Variants in JAM3 observed in about 807,000 individuals in gnomAD.
JAM3 encodes the protein junctional adhesion molecule C.
JAM3 carries 31 observed loss-of-function variants against 39.4 expected under a neutral mutation model. That is an observed-to-expected ratio of 0.79 (90% confidence interval 0.59 to 1.06). The LOEUF (loss-of-function observed/expected upper bound fraction) is 1.06, where lower values mean the gene tolerates loss of function less well. Ranked by LOEUF, JAM3 falls within the 50% of genes least tolerant of loss-of-function variation. JAM3 has a pLI of 0.00. For missense variants in JAM3, 455 were observed against 391.4 expected (o/e 1.16, Z -1.37); for synonymous variants, 182 against 148.7 (o/e 1.22, Z -1.63).
intron 1 of JAM3, among the ~76,000 whole-genome samples, chr11:134,093,681 A>T (rs368182355): frequency 1.6e-5 from 2 of 123,910 alleles, no homozygotes. Flanking sequence ...AGCCCTCCTT[A>T]TTCATCATGT....
chr11:134,101,408 G>A (rs1468727015), intron 1 of JAM3, among the ~76,000 whole-genome samples: 1 of 152,154 alleles, frequency 6.6e-6, no homozygotes, highest in Non-Finnish European at 1.5e-5. Context: ...TTCAAAGAGT[G>A]GTAGCAAAGA....
At chr11:134,137,962 G>T (rs111772963) in intron 1 of JAM3, among the ~76,000 whole-genome samples, 15 of 81,994 alleles carry the variant, frequency 1.8e-4, no homozygotes, top group African/African-American at 3.2e-4. Flanking sequence ...GCGTCTCGTC[G>T]AAGTCGTGGT....
At chr11:134,136,941 A>G (rs989636233) in intron 1 of JAM3, among the ~76,000 whole-genome samples, 10 of 151,996 alleles carry the variant, frequency 6.6e-5, no homozygotes, top group Admixed American at 1.3e-4. Flanking sequence ...GTGAAACCCC[A>G]TCTCTACTAA....
At chr11:134,094,794 G>A (rs1941946407) in intron 1 of JAM3, among the ~76,000 whole-genome samples, 1 of 152,186 alleles carries the variant, frequency 6.6e-6, no homozygotes, top group South Asian at 2.1e-4. Context: ...GTTTGTGTGT[G>A]TTGTTTATTT....
At chr11:134,126,118 C>T (rs1565498128) in intron 1 of JAM3, among the ~76,000 whole-genome samples, 1 of 152,134 alleles carries the variant, frequency 6.6e-6, no homozygotes, top group Non-Finnish European at 1.5e-5. Flanking sequence ...CCTGTCCCAC[C>T]CTTGTCTTCC....
chr11:134,083,123 C>G (rs572365734), intron 1 of JAM3, among the ~76,000 whole-genome samples: 1 of 152,230 alleles, frequency 6.6e-6, no homozygotes, highest in African/African-American at 2.4e-5. Flanking sequence ...ACAGATTATG[C>G]ATGTAATTTT....
chr11:134,110,281 T>C (rs1239401586), intron 1 of JAM3, among the ~76,000 whole-genome samples: 1 of 152,230 alleles, frequency 6.6e-6, no homozygotes. Flanking sequence ...AGACCTATTA[T>C]TTGATTCAGT....
chr11:134,134,290 G>A (rs1323886097), intron 1 of JAM3, among the ~76,000 whole-genome samples: 1 of 146,612 alleles, frequency 6.8e-6, no homozygotes, highest in Non-Finnish European at 1.5e-5. Context: ...AACAGAAGAT[G>A]AGAACAAAAA....
intron 1 of JAM3, among the ~76,000 whole-genome samples, chr11:134,137,516 C>T (rs1942888875): frequency 6.6e-6 from 1 of 152,260 alleles, no homozygotes; most frequent in African/African-American, 2.4e-5. Flanking sequence ...TCTCATGACT[C>T]ACCTCTCAGG....
intron 1 of JAM3, among the ~76,000 whole-genome samples, chr11:134,100,211 G>C (rs1030369113): frequency 6.6e-6 from 1 of 152,036 alleles, no homozygotes; most frequent in African/African-American, 2.4e-5. Context: ...GGTCTTCAGT[G>C]AAATGATCCC....
chr11:134,144,536 C>A, intron 4 of JAM3, 143 bp downstream of exon 4: 1 of 1,051,990 alleles, frequency 9.5e-7, no homozygotes. Context: ...GCTGAGACTG[C>A]CTGAGTTGGG....
At chr11:134,118,618 C>T (rs1230542897) in intron 1 of JAM3, among the ~76,000 whole-genome samples, 1 of 152,188 alleles carries the variant, frequency 6.6e-6, no homozygotes, top group Non-Finnish European at 1.5e-5. Flanking sequence ...GCTGCCTTCA[C>T]CCTGCCTTTA....
chr11:134,092,087 T>A (rs1941870390), intron 1 of JAM3, among the ~76,000 whole-genome samples: 1 of 152,216 alleles, frequency 6.6e-6, no homozygotes, highest in Admixed American at 6.5e-5. Context: ...TTTCTGTTGC[T>A]CTTGGTGCAA....
intron 6 of JAM3, 165 bp from the exon 7 acceptor site, chr11:134,148,382 C>G: frequency 1.3e-6 from 1 of 760,796 alleles, no homozygotes; most frequent in South Asian, 1.6e-5. Context: ...CCTATATGTT[C>G]TAGGCTAGAA....
chr11:134,139,315 T>A (rs1942930051), intron 1 of JAM3, among the ~76,000 whole-genome samples: 1 of 152,186 alleles, frequency 6.6e-6, no homozygotes, highest in Non-Finnish European at 1.5e-5. Flanking sequence ...GGTGAAAACT[T>A]CTTCGTGGAC....
At chr11:134,103,999 C>T (rs1942130654) in intron 1 of JAM3, among the ~76,000 whole-genome samples, 1 of 152,188 alleles carries the variant, frequency 6.6e-6, no homozygotes, top group African/African-American at 2.4e-5. Context: ...AGCTCTGCAC[C>T]AAGCGGACAT....
intron 1 of JAM3, among the ~76,000 whole-genome samples, chr11:134,107,726 G>A (rs529695662): frequency 5.1e-4 from 78 of 152,174 alleles, no homozygotes; most frequent in African/African-American, 1.8e-3. Flanking sequence ...AGCCAGGCAT[G>A]GTGGTAGATG....
chr11:134,145,169 A>G, intron 5 of JAM3, 175 bp downstream of exon 5: 1 of 661,920 alleles, frequency 1.5e-6, no homozygotes, highest in Admixed American at 2.4e-5. Context: ...ATAAACAAGT[A>G]CATTCTTAGG....
chr11:134,073,876 G>A (rs1477822191), intron 1 of JAM3, among the ~76,000 whole-genome samples: 2 of 152,046 alleles, frequency 1.3e-5, no homozygotes, highest in African/African-American at 2.4e-5. Context: ...TCTTTGTGTC[G>A]AGGCATTTTT....
Sources: gnomAD v4.1 joint callset for allele counts (sites outside exome capture counted in the v4.1 genomes callset) on GRCh38, gnomAD v4.1.1 for gene constraint, MANE v1.5 for transcripts, NCBI Gene and HGNC (gene_info 2026-07-23, HGNC 2026-07-21) for gene names.